The following ZNF480 variants were observed in gnomAD, a reference collection of about 807,000 sequenced individuals.
The protein encoded by ZNF480 is zinc finger protein 480.
Under a neutral mutation model 14.4 loss-of-function variants are expected in ZNF480, and 15 were observed. The ratio of observed to expected loss-of-function variants is 1.04; its 90% confidence interval spans 0.70 to 1.60. The LOEUF is 1.60. Ranked by LOEUF, ZNF480 falls within the 40% of genes most tolerant of loss-of-function variation. ZNF480 has a pLI of 0.00. For synonymous variants in ZNF480, 218 were observed against 215.5 expected, an observed-to-expected ratio of 1.01 and a Z score of -0.10; for missense variants, 593 against 629.7, an observed-to-expected ratio of 0.94 and a Z score of 0.62.
At chr19:52,298,612 CA>C (rs1488056544) in intron 1 of ZNF480, among the ~76,000 whole-genome samples, 7 of 142,838 alleles carry the variant, frequency 4.9e-5, no homozygotes, top group Admixed American at 1.4e-4. Flanking sequence ...GGCTGGGCGA[CA>C]AGAGCAAAAC....
chr19:52,318,818 C>G (rs1343872470), intron 4 of ZNF480, among the ~76,000 whole-genome samples: 1 of 151,948 alleles, frequency 6.6e-6, no homozygotes. Flanking sequence ...CATTATTCTA[C>G]CAAGTATTTG....
chr19:52,315,804 G>A (rs772400454), intron 3 of ZNF480, 30 bp from the exon 4 acceptor site: 38 of 1,594,834 alleles, frequency 2.4e-5, no homozygotes, highest in Non-Finnish European at 3.1e-5. Flanking sequence ...AGATGCTACA[G>A]CACATTTTGA....
chr19:52,308,194 C>T (rs774250501), intron 2 of ZNF480, among the ~76,000 whole-genome samples: 1 of 151,976 alleles, frequency 6.6e-6, no homozygotes, highest in East Asian at 1.9e-4. Flanking sequence ...TTCACCGTCA[C>T]CTCTCTGTAG....
At position 52,323,153 on chromosome 19, in the gene ZNF480, A is replaced by G. The variant is rs750957961; in HGVS notation, c.*295A>G. The G allele has an allele frequency of 3.7e-6, 1 of 272,246 alleles. No individual in the cohort carries two copies. The highest frequency in any genetic ancestry group is 6.9e-6 in the Non-Finnish European group (1 of 145,466). The allele number at this position is 272,246 out of a possible 1,614,324, so 16.9% of individuals were successfully genotyped here. A position where few individuals can be genotyped will look rare whatever the true frequency, so the allele number is the denominator to read the frequency against. On this transcript the variant is annotated 3_prime_UTR_variant, in exon 5 of 5. Coordinates refer to ENST00000595962, the MANE Select transcript of ZNF480 (RefSeq NM_144684.4). ...CACCAACCCCACAGAAATACGAAAA[A>G]CCCTCAAAGATTACTATAAACACCT...
chr19:52,322,546 T>C lies in ZNF480; in HGVS notation c.1296T>C (p.Cys432=). ...AGAAGCCTTACAAATGTAATGAATGTGGTAAAGCATTTAGTGAGTATTCAG... is the reference window on the plus strand; with the variant it reads ...AGAAGCCTTACAAATGTAATGAATGCGGTAAAGCATTTAGTGAGTATTCAG... ...TGEKPYKCNE[C]GKAFSEYSGL... Residue 432 remains cysteine, a synonymous_variant, in exon 5 of 5, where the codon TGT becomes TGC. Transcript: ENST00000595962. 6.2e-7 allele frequency: 1 copy of C among 1,614,132 alleles called. No homozygotes were observed. The highest frequency in any genetic ancestry group is 1.1e-5 in the South Asian group (1 of 91,082).
At chr19:52,299,121 G>A (rs1982560550) in intron 1 of ZNF480, among the ~76,000 whole-genome samples, 1 of 152,196 alleles carries the variant, frequency 6.6e-6, no homozygotes, top group South Asian at 2.1e-4. Context: ...TTCAGGCACA[G>A]GTCAGTGACT....
chr19:52,315,689 C>T, intron 3 of ZNF480, 145 bp from the exon 4 acceptor site: 1 of 906,298 alleles, frequency 1.1e-6, no homozygotes, highest in Non-Finnish European at 1.6e-6. Flanking sequence ...ATAATATTCC[C>T]TAAGCATTCA....
chr19:52,321,189 G>C (rs1206694344), intron 4 of ZNF480, among the ~76,000 whole-genome samples: 1 of 151,986 alleles, frequency 6.6e-6, no homozygotes, highest in Admixed American at 6.6e-5. Flanking sequence ...TGTTGTAAAG[G>C]GTGTGGGAAC....
chr19:52,306,004 C>T (rs1982911491), intron 2 of ZNF480, among the ~76,000 whole-genome samples: 1 of 152,182 alleles, frequency 6.6e-6, no homozygotes, highest in South Asian at 2.1e-4. Context: ...CATGCTTCCC[C>T]CAGTTAAAAC....
In ZNF480 at chr19:52,322,142, A is replaced by G. The variant is rs1419698272; in HGVS notation, c.892A>G (p.Asn298Asp). The G allele has an allele frequency of 3.1e-6, 5 of 1,613,816 alleles. No homozygotes were observed. Among genetic ancestry groups the G allele is most frequent in the East Asian group, 2.2e-5 (1 of 44,784 alleles). ...ECNECGKVFS[N>D]NSYLARHQRI... is the part of the protein sequence containing the mutation. The stretch of plus-strand genomic sequence containing the variant: ...TAATGAATGTGGTAAAGTCTTCAGT[A>G]ATAATTCTTACCTTGCACGACATCA... Residue 298 changes from asparagine (N) to aspartate (D), a missense_variant, in exon 5 of 5, where the codon AAT becomes GAT. Physicochemically the swap from Asn to Asp is conservative, Grantham distance 23. Transcript: ENST00000595962.
At chr19:52,314,949 G>A (rs1983478818) in intron 3 of ZNF480, among the ~76,000 whole-genome samples, 1 of 152,042 alleles carries the variant, frequency 6.6e-6, no homozygotes, top group Non-Finnish European at 1.5e-5. Context: ...TGGTACCAGG[G>A]CGGAAGTATG....
Position 52,314,298 on chromosome 19 carries a change from C to A in ZNF480, c.199+19C>A. On this transcript the variant is annotated intron_variant, in intron 3 of 4. Coordinates refer to ENST00000595962, the MANE Select transcript of ZNF480 (RefSeq NM_144684.4). ...TCCCTGGGTGAGGATCATGCCCCTG[C>A]AGAAGCCGGGATCTGCCCTTGGTTA... 1 of 1,507,362 alleles carries A rather than the reference C, an allele frequency of 6.6e-7. No individual in the cohort carries two copies. The highest frequency in any genetic ancestry group is 8.9e-7 in the Non-Finnish European group (1 of 1,119,864). The allele number at this position is 1,507,362 out of a possible 1,614,324, so 93.4% of individuals were successfully genotyped here. A position where few individuals can be genotyped will look rare whatever the true frequency, so the allele number is the denominator to read the frequency against.
intron 4 of ZNF480, 28 bp from the exon 5 acceptor site, chr19:52,321,551 G>C: frequency 6.5e-7 from 1 of 1,536,858 alleles, no homozygotes; most frequent in South Asian, 1.3e-5. Context: ...TATGGGGTCT[G>C]AATTTTACTT....
Position 52,321,736 on chromosome 19 carries a change from C to A in ZNF480, c.486C>A (p.Ser162=), listed in dbSNP as rs755330296. ...TTGAAAACTTTATCAACCACAGTTC[C>A]TCTGTTTCCTGTCTTCAAGAAATGT... ...NQVENFINHS[S]SVSCLQEMSS... The change falls in exon 5 of 5, where the codon TCC becomes TCA. Residue 162 remains serine, a synonymous_variant. Transcript: ENST00000595962. 3.1e-5 allele frequency: 50 copies of A among 1,613,932 alleles called. No individual in the cohort carries two copies. In the Admixed American group the frequency reaches 8.0e-4, roughly 26 times the overall value.
chr19:52,310,797 G>A (rs780449013), intron 2 of ZNF480, among the ~76,000 whole-genome samples: 2 of 151,456 alleles, frequency 1.3e-5, no homozygotes, highest in East Asian at 1.9e-4. Context: ...TCAGGAGATC[G>A]AGACCATCCT....
chr19:52,311,359 A>G (rs1486155445), intron 2 of ZNF480, among the ~76,000 whole-genome samples: 1 of 151,940 alleles, frequency 6.6e-6, no homozygotes, highest in East Asian at 1.9e-4. Context: ...TTTTATATCA[A>G]TAAAGATGGG....
At chr19:52,317,684 T>C (rs1417754550) in intron 4 of ZNF480, among the ~76,000 whole-genome samples, 1 of 152,220 alleles carries the variant, frequency 6.6e-6, no homozygotes, top group Non-Finnish European at 1.5e-5. Context: ...TTCTTTTTTA[T>C]CTTTATACCC....
chr19:52,297,756 G>C (rs1982480142), intron 1 of ZNF480: 1 of 149,954 alleles, frequency 6.7e-6, no homozygotes. Context: ...CCCTGCGTGT[G>C]GGGAGGTGAC....
At position 52,325,039 on chromosome 19, in the gene ZNF480, A is replaced by G. The variant is rs1984027241; in HGVS notation, c.*2181A>G. ...GCATCTGACAAAGATCTAATCCAGA[A>G]TCTATAAAGAACTCAAACAAATCAA... On this transcript the variant is annotated 3_prime_UTR_variant, in exon 5 of 5. Transcript: ENST00000595962. 6.6e-6 allele frequency: 1 copy of G among 152,208 alleles called. No homozygotes were observed. The highest frequency in any genetic ancestry group is 6.5e-5 in the Admixed American group (1 of 15,268). 9.4% of individuals were successfully genotyped at this position (152,208 alleles called of 1,614,324 possible). A position where few individuals can be genotyped will look rare whatever the true frequency, so the allele number is the denominator to read the frequency against.
Sources: gnomAD v4.1 joint callset for allele counts (sites outside exome capture counted in the v4.1 genomes callset) on GRCh38, gnomAD v4.1.1 for gene constraint, MANE v1.5 for transcripts, NCBI Gene and HGNC (gene_info 2026-07-23, HGNC 2026-07-21) for gene names.